MYO3A: variants seen among roughly 807,000 people sequenced by gnomAD.
MYO3A encodes the protein myosin-IIIa.
MYO3A carries 180 observed loss-of-function variants against 192.7 expected under a neutral mutation model. That is an observed-to-expected ratio of 0.93 (90% confidence interval 0.83 to 1.06). The LOEUF is 1.06. MYO3A is among the 50% of genes least tolerant of loss of function. The pLI, the probability that MYO3A is intolerant of heterozygous loss-of-function variation, is 0.00. For missense variants in MYO3A, 1,896 were observed against 1,905.0 expected (o/e 1.00, Z 0.09); for synonymous variants, 628 against 645.3 (o/e 0.97, Z 0.41).
At chr10:26,007,987 A>G (rs1841350170) in intron 6 of MYO3A, among the ~76,000 whole-genome samples, 1 of 151,638 alleles carries the variant, frequency 6.6e-6, no homozygotes, top group African/African-American at 2.4e-5. Context: ...AAACTATACT[A>G]CAAGGCTACA....
At chr10:26,023,939 T>A in intron 8 of MYO3A, 83 bp from the exon 9 acceptor site, 4 of 1,194,190 alleles carry the variant, frequency 3.3e-6, no homozygotes, top group Non-Finnish European at 5.0e-6. Context: ...AACCTAGGAT[T>A]GCATTAGTCT....
At chr10:26,071,813 C>T (rs1017460746) in intron 14 of MYO3A, among the ~76,000 whole-genome samples, 3 of 152,148 alleles carry the variant, frequency 2.0e-5, no homozygotes, top group African/African-American at 7.2e-5. Context: ...CACAAGAAAA[C>T]ACTATTACAA....
chr10:26,087,184 A>T (rs1450866200), intron 14 of MYO3A, among the ~76,000 whole-genome samples: 1 of 152,182 alleles, frequency 6.6e-6, no homozygotes, highest in Non-Finnish European at 1.5e-5. Flanking sequence ...CACCTTTTTC[A>T]TGGGTGCAAG....
intron 10 of MYO3A, among the ~76,000 whole-genome samples, chr10:26,041,236 A>T (rs535866430): frequency 2.2e-4 from 34 of 152,102 alleles, no homozygotes; most frequent in African/African-American, 8.2e-4. Context: ...TCCGGTTGGC[A>T]TAGAATACCT....
At chr10:26,117,914 C>A (rs188329195) in intron 17 of MYO3A, among the ~76,000 whole-genome samples, 3 of 152,140 alleles carry the variant, frequency 2.0e-5, no homozygotes, top group Non-Finnish European at 2.9e-5. Flanking sequence ...TGAGGAATTG[C>A]CGCACTGTCT....
chr10:25,956,929 G>A (rs1278675261), intron 4 of MYO3A, among the ~76,000 whole-genome samples: 1 of 151,960 alleles, frequency 6.6e-6, no homozygotes, highest in Admixed American at 6.6e-5. Context: ...CCCTCTCTAT[G>A]TGTCCATGTG....
chr10:26,188,867 A>G (rs543421677), intron 31 of MYO3A, among the ~76,000 whole-genome samples: 1 of 152,324 alleles, frequency 6.6e-6, no homozygotes, highest in African/African-American at 2.4e-5. Context: ...TGGTATCAGT[A>G]CCATGCTGTT....
At position 25,952,273 on chromosome 10, in the gene MYO3A, A is replaced by G; in HGVS notation, c.163A>G (p.Ile55Val). The stretch of plus-strand genomic sequence containing the variant: ...AGCAGCAGTCAAAATTCTTGATCCA[A>G]TTCACGTAAGTCATATTTTTTCCTT... The part of the protein sequence containing the change: ...QKAAVKILDP[I>V]HDIDEEIEAE... The change falls in exon 3 of 35, where the codon ATT becomes GTT. Residue 55 changes from isoleucine to valine, a missense_variant. By Grantham distance (29) the Ile-to-Val change is conservative. Coordinates refer to ENST00000642920, the MANE Select transcript of MYO3A (RefSeq NM_017433.5). 1.2e-6 allele frequency: 2 copies of G among 1,612,142 alleles called. No homozygotes were observed. Among genetic ancestry groups the G allele is most frequent in the African/African-American group, 2.7e-5 (2 of 74,958 alleles).
chr10:26,033,989 G>A (rs1482687372), intron 10 of MYO3A, among the ~76,000 whole-genome samples: 1 of 152,184 alleles, frequency 6.6e-6, no homozygotes, highest in Non-Finnish European at 1.5e-5. Flanking sequence ...ACCACTGAGA[G>A]CACTGAAAGT....
chr10:25,997,931 TCTTG>T (rs1840555693), intron 6 of MYO3A, among the ~76,000 whole-genome samples: 2 of 152,216 alleles, frequency 1.3e-5, no homozygotes, highest in Non-Finnish European at 2.9e-5. Context: ...TACTAAACTT[TCTTG>T]TGAGAATGGA....
chr10:26,167,448 G>A (rs1841816105), intron 27 of MYO3A, among the ~76,000 whole-genome samples: 1 of 151,996 alleles, frequency 6.6e-6, no homozygotes, highest in Non-Finnish European at 1.5e-5. Flanking sequence ...AATTTTATCA[G>A]GCTAAAATCT....
chr10:26,153,239 C>G (rs1840907843), intron 23 of MYO3A, among the ~76,000 whole-genome samples: 1 of 152,050 alleles, frequency 6.6e-6, no homozygotes, highest in Non-Finnish European at 1.5e-5. Context: ...ATTCTGGGTG[C>G]AGATCAGAGA....
chr10:26,021,383 T>A (rs1014286963), intron 7 of MYO3A, 120 bp from the exon 8 acceptor site: 2 of 1,205,192 alleles, frequency 1.7e-6, no homozygotes, highest in Non-Finnish European at 2.4e-6. Context: ...ACTGCCTTCG[T>A]CTTTACTTAT....
chr10:26,096,112 A>G (rs1004839978), intron 15 of MYO3A, among the ~76,000 whole-genome samples: 1 of 152,226 alleles, frequency 6.6e-6, no homozygotes, highest in African/African-American at 2.4e-5. Context: ...TGCTCCTGCT[A>G]TATCCCCAGC....
chr10:26,140,712 CA>C (rs1295783570), intron 20 of MYO3A, among the ~76,000 whole-genome samples: 1 of 149,434 alleles, frequency 6.7e-6, no homozygotes, highest in Admixed American at 6.6e-5. Flanking sequence ...AGAAGAAAAA[CA>C]AGGGACAACT....
rs1436867564 is a variant in MYO3A, at chr10:26,075,659, TATATATATGATATATATATGTCTCTCTC to T, written c.1359+5295_1359+5322del. On this transcript the variant is annotated intron_variant, in intron 14 of 34. Transcript: ENST00000642920. ...TCATATATGATATATATGTCTCTCA[TATATATATGATATATATATGTCTCTCTC>T]ATATATATGATATATATATGTCTCT... 8.4e-4 allele frequency among the ~76,000 whole-genome samples: 91 copies of T among 107,894 alleles called. 1 individual carries two copies. The highest frequency in any genetic ancestry group is 1.5e-3 in the Non-Finnish European group (75 of 49,298). The allele number at this position is 107,894 out of a possible 152,430, so 70.8% of individuals were successfully genotyped here.
At chr10:25,974,190 C>CA (rs1838836840) in intron 4 of MYO3A, among the ~76,000 whole-genome samples, 1 of 152,194 alleles carries the variant, frequency 6.6e-6, no homozygotes, top group African/African-American at 2.4e-5. Flanking sequence ...GCAATCTACG[C>CA]ATCCAACAAA....
chr10:26,197,764 C>T (rs1369682085), intron 32 of MYO3A, among the ~76,000 whole-genome samples: 1 of 152,226 alleles, frequency 6.6e-6, no homozygotes, highest in Non-Finnish European at 1.5e-5. Context: ...CGGGATTTCA[C>T]CATGTTGGCT....
chr10:25,936,209 T>C (rs1284072539), intron 2 of MYO3A, among the ~76,000 whole-genome samples: 1 of 152,072 alleles, frequency 6.6e-6, no homozygotes. Context: ...ATCTTGTCCT[T>C]TTTCGACTGC....
Sources: allele counts gnomAD v4.1 joint callset (sites outside exome capture counted in the v4.1 genomes callset), GRCh38; gene constraint gnomAD v4.1.1; transcripts MANE v1.5; gene names NCBI Gene and HGNC (gene_info 2026-07-23, HGNC 2026-07-21).